The following FBN1 variants were observed in gnomAD, a reference collection of about 807,000 sequenced individuals.
FBN1 encodes the protein fibrillin 1, also known as fibrillin-1.
In FBN1, 29 loss-of-function variants were observed where a neutral mutation model predicts 365.1. The ratio of observed to expected loss-of-function variants is 0.08; its 90% CI spans 0.06 to 0.11. FBN1 has a LOEUF of 0.11. Ranked by LOEUF, FBN1 falls within the 10% of genes least tolerant of loss-of-function variation. The pLI is 1.00. For synonymous variants in FBN1, 1,210 were observed against 1,270.5 expected (o/e 0.95, Z 1.01); for missense variants, 2,476 against 3,703.2 (o/e 0.67, Z 8.60).
intron 6 of FBN1, among the ~76,000 whole-genome samples, chr15:48,580,607 C>T (rs756220664): frequency 2.0e-5 from 3 of 152,162 alleles, no homozygotes; most frequent in Non-Finnish European, 4.4e-5. Flanking sequence ...GAAACATCTA[C>T]TTTAGGCCAT....
At chr15:48,544,371 A>C (rs2044080012) in intron 6 of FBN1, among the ~76,000 whole-genome samples, 1 of 152,232 alleles carries the variant, frequency 6.6e-6, no homozygotes, top group South Asian at 2.1e-4. Context: ...TACCTTTAAC[A>C]AACTGCTTCT....
intron 6 of FBN1, among the ~76,000 whole-genome samples, chr15:48,543,076 T>G (rs552331232): frequency 2.6e-4 from 39 of 152,274 alleles, no homozygotes; most frequent in South Asian, 1.2e-3. Context: ...CACTTTATTA[T>G]GTTCTTTACT....
At chr15:48,588,832 C>T (rs2044455082) in intron 6 of FBN1, among the ~76,000 whole-genome samples, 1 of 152,128 alleles carries the variant, frequency 6.6e-6, no homozygotes, top group Non-Finnish European at 1.5e-5. Context: ...CATTATGATG[C>T]CAAGTCATGA....
chr15:48,600,839 C>T (rs1361064539), intron 4 of FBN1, among the ~76,000 whole-genome samples: 1 of 152,122 alleles, frequency 6.6e-6, no homozygotes, highest in East Asian at 1.9e-4. Flanking sequence ...GAAAGTATTG[C>T]CTTGAGTAAC....
intron 58 of FBN1, among the ~76,000 whole-genome samples, chr15:48,426,083 A>G (rs892185367): frequency 2.0e-5 from 3 of 152,240 alleles, no homozygotes; most frequent in Non-Finnish European, 2.9e-5. Context: ...AAAATAATTC[A>G]GCCACAGAAA....
intron 50 of FBN1, among the ~76,000 whole-genome samples, chr15:48,439,816 G>A (rs2043099198): frequency 6.6e-6 from 1 of 152,138 alleles, no homozygotes; most frequent in Non-Finnish European, 1.5e-5. Context: ...GTCAGTCTAA[G>A]TGGCAAATTC....
At chr15:48,613,909 C>A (rs1160609159) in intron 2 of FBN1, among the ~76,000 whole-genome samples, 1 of 152,172 alleles carries the variant, frequency 6.6e-6, no homozygotes, top group Non-Finnish European at 1.5e-5. Flanking sequence ...GCCTGGGCGA[C>A]AGAGTGAGAC....
chr15:48,534,048 A>T, intron 8 of FBN1, 32 bp downstream of exon 8: 7 of 1,571,820 alleles, frequency 4.5e-6, no homozygotes, highest in East Asian at 2.5e-5. Flanking sequence ...CCCCCACTAC[A>T]CCCCCCAACT....
At chr15:48,630,746 A>AAAAAAAAAAAG (rs1555406626) in intron 2 of FBN1, among the ~76,000 whole-genome samples, 1 of 145,332 alleles carries the variant, frequency 6.9e-6, no homozygotes, top group Admixed American at 6.7e-5. Flanking sequence ...AAAAAAAAAA[A>AAAAAAAAAAAG]AAAAGAAAAG....
intron 54 of FBN1, 138 bp downstream of exon 54, chr15:48,434,456 A>G: frequency 9.6e-7 from 1 of 1,045,960 alleles, no homozygotes; most frequent in South Asian, 1.3e-5. Context: ...CAAAAGAAGA[A>G]TGATCAAATG....
intron 23 of FBN1, 115 bp from the exon 24 acceptor site, chr15:48,492,701 A>C: frequency 1.1e-6 from 1 of 896,956 alleles, no homozygotes; most frequent in Non-Finnish European, 1.7e-6. Flanking sequence ...TCATAAAACT[A>C]GTTTGCCTAC....
At chr15:48,461,003 C>G (rs2043276311) in intron 42 of FBN1, among the ~76,000 whole-genome samples, 1 of 152,170 alleles carries the variant, frequency 6.6e-6, no homozygotes, top group Non-Finnish European at 1.5e-5. Flanking sequence ...ATGACTGTAA[C>G]TGGTAAGGTA....
intron 5 of FBN1, among the ~76,000 whole-genome samples, chr15:48,598,710 G>C (rs987858014): frequency 1.3e-5 from 2 of 152,034 alleles, no homozygotes; most frequent in African/African-American, 4.8e-5. Flanking sequence ...TCAGCCCAAG[G>C]ATCACCCACA....
Position 48,492,717 on chromosome 15 carries a change from G to A in FBN1, c.2729-131C>T, listed in dbSNP as rs191331497. ...CATAAAACTAGTTTGCCTACAAGTA[G>A]TTTGTGTAGAATTTCTAGGGTGCCT... On this transcript the variant is annotated intron_variant, in intron 23 of 65. Transcript: ENST00000316623. The A allele has an allele frequency of 2.7e-3, 2,045 of 755,530 alleles. 8 individuals are homozygous for A. The highest frequency in any genetic ancestry group is 3.4e-3 in the South Asian group (178 of 52,070). The allele number at this position is 755,530 out of a possible 1,614,324, so 46.8% of individuals were successfully genotyped here.
chr15:48,600,245 A>C lies in FBN1; in HGVS notation c.347-11T>G. On this transcript the variant is annotated splice_polypyrimidine_tract_variant and intron_variant, in intron 4 of 65. Coordinates refer to ENST00000316623, the MANE Select transcript of FBN1 (RefSeq NM_000138.5). Reference sequence around the variant, plus strand: ...TATTGCAGTGTTGTACTTGAAAAAAAAGAAGAAGAATTCACTTTTGCAACT... The same window carrying C: ...TATTGCAGTGTTGTACTTGAAAAAACAGAAGAAGAATTCACTTTTGCAACT... 6.2e-7 allele frequency: 1 copy of C among 1,609,424 alleles called. No individual in the cohort carries two copies. The highest frequency in any genetic ancestry group is 8.5e-7 in the Non-Finnish European group (1 of 1,176,074).
rs772564143 is a variant in FBN1, at chr15:48,448,791, T to C, written c.5648A>G (p.Asn1883Ser). The change falls in exon 46 of 66, where the codon AAT (asparagine) becomes AGT (serine). Residue 1883 changes from asparagine (N) to serine (S), a missense_variant. Transcript: ENST00000316623. ...ACCCAAGCACATGGTTTGGTCATCA[T>C]TTGTTTTAAAACCAGTGTGGCAAAG... ...YCLCHTGFKT[N>S]DDQTMCLDIN... 6.2e-7 allele frequency: 1 copy of C among 1,613,028 alleles called. No individual in the cohort carries two copies. The highest frequency in any genetic ancestry group is 1.1e-5 in the South Asian group (1 of 91,060).
chr15:48,460,186 A>C (rs1304070699), intron 43 of FBN1, 60 bp downstream of exon 43: 2 of 1,279,040 alleles, frequency 1.6e-6, no homozygotes, highest in African/African-American at 1.5e-5. Flanking sequence ...GGAACTGAAA[A>C]AATAATGCTA....
At chr15:48,545,737 T>C (rs1299829754) in intron 6 of FBN1, among the ~76,000 whole-genome samples, 2 of 152,094 alleles carry the variant, frequency 1.3e-5, no homozygotes, top group African/African-American at 4.8e-5. Flanking sequence ...AAAAAGAAAA[T>C]TCTAGCTGGC....
At chr15:48,594,382 C>A (rs1403155697) in intron 6 of FBN1, among the ~76,000 whole-genome samples, 1 of 152,116 alleles carries the variant, frequency 6.6e-6, no homozygotes, top group Non-Finnish European at 1.5e-5. Context: ...GAAAATCTGC[C>A]ACTTGGGGAT....
Sources: gnomAD v4.1 joint callset for allele counts (sites outside exome capture counted in the v4.1 genomes callset) on GRCh38, gnomAD v4.1.1 for gene constraint, MANE v1.5 for transcripts, NCBI Gene and HGNC (gene_info 2026-07-23, HGNC 2026-07-21) for gene names.